Variants in IFT56 observed in about 807,000 individuals in gnomAD.
The protein encoded by IFT56 is intraflagellar transport protein 56.
At chr7:139,188,009 C>T in the IFT56 span, among the ~76,000 whole-genome samples, 1 of 151,154 alleles carries the variant, frequency 6.6e-6, no homozygotes, top group East Asian at 1.9e-4. Flanking sequence ...TGTTTTCTTT[C>T]ACCTTCTCAT....
At chr7:139,164,426 T>C in the IFT56 span, among the ~76,000 whole-genome samples, 1 of 152,214 alleles carries the variant, frequency 6.6e-6, no homozygotes, top group African/African-American at 2.4e-5. Context: ...CTTTAGGAGT[T>C]TTCTGCAGTT....
the IFT56 span, among the ~76,000 whole-genome samples, chr7:139,185,800 G>A: frequency 2.0e-5 from 3 of 151,854 alleles, no homozygotes; most frequent in Non-Finnish European, 4.4e-5. Context: ...CTGTATGTGT[G>A]TTATTTCACA....
At chr7:139,166,887 ACTC>A in the IFT56 span, 1 of 1,582,092 alleles carries the variant, frequency 6.3e-7, no homozygotes, top group Non-Finnish European at 8.7e-7. Context: ...GGAACCTACT[ACTC>A]CTCAGGTAAC....
the IFT56 span, among the ~76,000 whole-genome samples, chr7:139,138,149 A>T: frequency 0.13 from 20,360 of 152,112 alleles, 2,504 homozygotes; most frequent in African/African-American, 0.28. Context: ...GTCTAATGTT[A>T]ATATGTCCCA....
At chr7:139,173,255 C>G in the IFT56 span, 2 of 402,588 alleles carry the variant, frequency 5.0e-6, no homozygotes, top group Non-Finnish European at 8.7e-6. Context: ...GAGATGGAGT[C>G]TCGCTCTTGT....
the IFT56 span, among the ~76,000 whole-genome samples, chr7:139,186,652 C>A: frequency 6.6e-6 from 1 of 151,964 alleles, no homozygotes; most frequent in Non-Finnish European, 1.5e-5. Flanking sequence ...GAAAGACCAT[C>A]CTGGAGTTGA....
chr7:139,158,870 C>T, the IFT56 span, among the ~76,000 whole-genome samples: 22 of 152,080 alleles, frequency 1.4e-4, no homozygotes, highest in East Asian at 1.7e-3. Flanking sequence ...GCTAAGATGG[C>T]GCCACTGCAC....
the IFT56 span, chr7:139,173,893 G>C: frequency 1.4e-6 from 1 of 703,334 alleles, no homozygotes; most frequent in Non-Finnish European, 2.6e-6. Flanking sequence ...TTTGTTTGAA[G>C]CTCTGGTTCT....
At chr7:139,182,173 T>A in the IFT56 span, among the ~76,000 whole-genome samples, 1 of 152,082 alleles carries the variant, frequency 6.6e-6, no homozygotes, top group Admixed American at 6.6e-5. Flanking sequence ...AGATTAAGAT[T>A]TTTTTAAAAT....
chr7:139,165,299 T>C, the IFT56 span: 1 of 1,048,870 alleles, frequency 9.5e-7, no homozygotes, highest in Non-Finnish European at 1.4e-6. Flanking sequence ...ATATGTCTGA[T>C]GGAACTATTT....
At chr7:139,136,687 T>G in the IFT56 span, among the ~76,000 whole-genome samples, 1 of 152,162 alleles carries the variant, frequency 6.6e-6, no homozygotes, top group Non-Finnish European at 1.5e-5. Context: ...CAGGCTGGTC[T>G]TGAACTCCTG....
At chr7:139,141,622 T>C in the IFT56 span, among the ~76,000 whole-genome samples, 2 of 152,192 alleles carry the variant, frequency 1.3e-5, no homozygotes, top group African/African-American at 2.4e-5. Flanking sequence ...TTCTTATACA[T>C]TGAAGTATGA....
At chr7:139,157,167 A>T in the IFT56 span, among the ~76,000 whole-genome samples, 4 of 53,008 alleles carry the variant, frequency 7.5e-5, no homozygotes, top group Admixed American at 7.4e-4. Flanking sequence ...TTTTTTTGAG[A>T]CGAAGTTTTG....
the IFT56 span, among the ~76,000 whole-genome samples, chr7:139,184,820 T>G: frequency 6.6e-6 from 1 of 150,522 alleles, no homozygotes; most frequent in Non-Finnish European, 1.5e-5. Context: ...TTTGGGAGGC[T>G]GAGGCGGGCG....
the IFT56 span, chr7:139,165,190 T>C: frequency 6.2e-7 from 1 of 1,613,678 alleles, no homozygotes; most frequent in African/African-American, 1.3e-5. Context: ...GTTGATGTCA[T>C]TCCTGAAGCT....
the IFT56 span, among the ~76,000 whole-genome samples, chr7:139,159,774 T>G: frequency 6.6e-6 from 1 of 152,328 alleles, no homozygotes; most frequent in East Asian, 1.9e-4. Context: ...TATGTCAATG[T>G]GTAGTGGGGT....
chr7:139,157,318 T>G, the IFT56 span, among the ~76,000 whole-genome samples: 2 of 151,290 alleles, frequency 1.3e-5, no homozygotes, highest in African/African-American at 4.9e-5. Flanking sequence ...TGCTAATCTT[T>G]GGATTTTTAG....
At chr7:139,155,002 A>C in the IFT56 span, among the ~76,000 whole-genome samples, 1 of 152,036 alleles carries the variant, frequency 6.6e-6, no homozygotes, top group Non-Finnish European at 1.5e-5. Flanking sequence ...AAATTTCAGC[A>C]ATATTTGGTG....
chr7:139,182,156 C>T, the IFT56 span, among the ~76,000 whole-genome samples: 7 of 151,534 alleles, frequency 4.6e-5, no homozygotes, highest in African/African-American at 7.3e-5. Context: ...GACCTAGCCT[C>T]AAAAAAAGAT....
Sources: gnomAD v4.1 joint callset for allele counts (sites outside exome capture counted in the v4.1 genomes callset) on GRCh38, gnomAD v4.1.1 for gene constraint, MANE v1.5 for transcripts, NCBI Gene and HGNC (gene_info 2026-07-23, HGNC 2026-07-21) for gene names.